Variants in RAB4A observed in about 807,000 individuals in gnomAD.
RAB4A encodes the protein ras-related protein Rab-4A.
In RAB4A, 20 loss-of-function variants were observed where a neutral mutation model predicts 34.5. That is an observed-to-expected ratio of 0.58 (90% CI 0.41 to 0.84). The LOEUF (loss-of-function observed/expected upper bound fraction) is 0.84. Ranked by LOEUF, RAB4A falls within the 40% of genes least tolerant of loss-of-function variation. The pLI, the probability that RAB4A is intolerant of heterozygous loss-of-function variation, is 0.00. For synonymous variants in RAB4A, 102 were observed against 100.0 expected (o/e 1.02, Z -0.12); for missense variants, 228 against 274.5 (o/e 0.83, Z 1.20).
chr1:229,303,067 A>C, intron 7 of RAB4A, 78 bp downstream of exon 7: 2 of 1,077,040 alleles, frequency 1.9e-6, no homozygotes, highest in Non-Finnish European at 2.8e-6. Context: ...GGGAAGCTGC[A>C]GTATGAAAAA....
chr1:229,284,376 G>A (rs1337477980), intron 1 of RAB4A, among the ~76,000 whole-genome samples: 1 of 152,138 alleles, frequency 6.6e-6, no homozygotes, highest in Non-Finnish European at 1.5e-5. Flanking sequence ...GGGATTTACA[G>A]GCATGAGCCA....
rs758886013 is a variant in RAB4A at position 229,302,941 on chromosome 1, C to T, written c.621C>T (p.Arg207=). The T allele has an allele frequency of 8.7e-6, 14 of 1,613,980 alleles. No individual in the cohort carries two copies. In the Admixed American group the frequency reaches 1.2e-4, roughly 13 times the overall value. The change falls in exon 7 of 8, where the codon CGC becomes CGT. Residue 207 remains arginine (R), a synonymous_variant. Transcript: ENST00000366690. ...TGAGACAGCTGAGGTCACCGCGGCG[C>T]GCACAGGCCCCGAACGCTCAGGAGT... ...AALRQLRSPR[R]AQAPNAQECG... is the part of the protein sequence containing the mutation.
At chr1:229,301,600 T>C (rs1228467887) in intron 6 of RAB4A, among the ~76,000 whole-genome samples, 2 of 152,180 alleles carry the variant, frequency 1.3e-5, no homozygotes, top group Non-Finnish European at 2.9e-5. Context: ...ACAACTCATA[T>C]GCAGTCTTCC....
intron 7 of RAB4A, among the ~76,000 whole-genome samples, chr1:229,303,430 C>T (rs1287330341): frequency 6.6e-6 from 1 of 151,694 alleles, no homozygotes; most frequent in Non-Finnish European, 1.5e-5. Flanking sequence ...AATTTATACT[C>T]TATAGGAAAT....
In RAB4A at chr1:229,305,269, T is replaced by C. The variant is rs1352305551; in HGVS notation, c.*1476T>C. The C allele has an allele frequency of 6.3e-7, 1 of 1,596,858 alleles. No homozygotes were observed. ...CTGAACTACTTCTTAGACCTCACTG[T>C]AAGAATATTTTATTCAATGTCTCAT... On this transcript the variant is annotated 3_prime_UTR_variant, in exon 8 of 8. Transcript: ENST00000366690.
At chr1:229,292,496 C>G (rs1376461123) in intron 3 of RAB4A, among the ~76,000 whole-genome samples, 1 of 152,100 alleles carries the variant, frequency 6.6e-6, no homozygotes, top group African/African-American at 2.4e-5. Context: ...GAGGCCTTTC[C>G]CCCTGCCTTA....
rs202214923 is a variant in RAB4A, at chr1:229,302,957, G to T, written c.637G>T (p.Ala213Ser). 2 of 1,613,774 alleles carry T rather than the reference G, an allele frequency of 1.2e-6. No individual in the cohort carries two copies. Among genetic ancestry groups the T allele is most frequent in the Non-Finnish European group, 1.7e-6 (2 of 1,179,814 alleles). Residue 213 changes from alanine to serine, a missense_variant, in exon 7 of 8, where the codon GCT (alanine) becomes TCT (serine). Physicochemically the swap from Ala to Ser is moderately conservative, Grantham distance 99 (BLOSUM62 1). Transcript: ENST00000366690. Reference sequence around the variant, plus strand: ...ACCGCGGCGCGCACAGGCCCCGAACGCTCAGGAGTGTGGTTGTTAGGAGAG... The same window carrying T: ...ACCGCGGCGCGCACAGGCCCCGAACTCTCAGGAGTGTGGTTGTTAGGAGAG... ...RSPRRAQAPN[A>S]QECGC is the part of the protein sequence containing the mutation.
intron 6 of RAB4A, 130 bp downstream of exon 6, chr1:229,299,202 T>C (rs1479534449): frequency 1.6e-6 from 1 of 640,208 alleles, no homozygotes; most frequent in East Asian, 2.9e-5. Context: ...CAACCTAAAA[T>C]CATCACATAT....
chr1:229,287,875 T>C (rs1232621479), intron 2 of RAB4A, among the ~76,000 whole-genome samples: 1 of 152,220 alleles, frequency 6.6e-6, no homozygotes, highest in African/African-American at 2.4e-5. Flanking sequence ...AGTTACAAAA[T>C]ATAAACTAGC....
rs61676633 is a variant in RAB4A, at chr1:229,278,150, C to T, written c.31+6780C>T. Among the ~76,000 whole-genome samples, 1,313 of 152,318 alleles carry T rather than the reference C, an allele frequency of 8.6e-3. 22 individuals carry two copies. Among genetic ancestry groups the T allele is most frequent in the African/African-American group, 0.029 (1,194 of 41,566 alleles). ...AAAATGCTGGGATTACAGGCATGAT[C>T]CACCATGCCTGGCCCCTTTCTTCTT... is the stretch of plus-strand genomic sequence containing the variant. On this transcript the variant is annotated intron_variant, in intron 1 of 7. Coordinates refer to ENST00000366690, the MANE Select transcript of RAB4A (RefSeq NM_004578.4).
intron 6 of RAB4A, among the ~76,000 whole-genome samples, chr1:229,299,751 C>T (rs1296162293): frequency 6.6e-6 from 1 of 152,124 alleles, no homozygotes; most frequent in Non-Finnish European, 1.5e-5. Flanking sequence ...ATAAATCACA[C>T]CCCTTGCCCC....
rs755723609 is a variant in RAB4A at position 229,297,535 on chromosome 1, C to T, written c.344C>T (p.Ala115Val). 3.7e-6 allele frequency: 6 copies of T among 1,612,074 alleles called. No homozygotes were observed. Among genetic ancestry groups the T allele is most frequent in the Admixed American group, 1.7e-5 (1 of 59,206 alleles). The change falls in exon 5 of 8, where the codon GCG becomes GTG. Residue 115 changes from alanine (A) to valine (V), a missense_variant. Ala to Val is a moderately conservative substitution (Grantham distance 64). Coordinates refer to ENST00000366690, the MANE Select transcript of RAB4A (RefSeq NM_004578.4). Reference protein sequence around the residue: ...TNWLTDARMLASQNIVIILCG... With the variant: ...TNWLTDARMLVSQNIVIILCG... ...TGGTTAACAGATGCCCGAATGCTAG[C>T]GAGCCAGAACATTGTGATCATCCTT...
At chr1:229,286,422 G>T in intron 1 of RAB4A, 64 bp from the exon 2 acceptor site, 3 of 970,156 alleles carry the variant, frequency 3.1e-6, no homozygotes, top group Non-Finnish European at 4.6e-6. Context: ...TGATGATCGT[G>T]ATCTAAGAAG....
intron 1 of RAB4A, among the ~76,000 whole-genome samples, chr1:229,285,307 G>T (rs768544084): frequency 1.3e-5 from 2 of 152,248 alleles, no homozygotes; most frequent in South Asian, 4.1e-4. Context: ...AACGCGCTCA[G>T]CCTGGAACTT....
At chr1:229,275,282 T>C (rs1307189635) in intron 1 of RAB4A, among the ~76,000 whole-genome samples, 1 of 152,044 alleles carries the variant, frequency 6.6e-6, no homozygotes, top group Non-Finnish European at 1.5e-5. Flanking sequence ...GAGGCCAAGA[T>C]TGGAGGGATG....
At chr1:229,286,416 G>A (rs1256278787) in intron 1 of RAB4A, 70 bp from the exon 2 acceptor site, 3 of 913,354 alleles carry the variant, frequency 3.3e-6, no homozygotes, top group Non-Finnish European at 5.0e-6. Context: ...TAAATTTGAT[G>A]ATCGTGATCT....
At chr1:229,285,475 C>T (rs1656899114) in intron 1 of RAB4A, among the ~76,000 whole-genome samples, 1 of 152,168 alleles carries the variant, frequency 6.6e-6, no homozygotes, top group African/African-American at 2.4e-5. Flanking sequence ...TAAAGGAACA[C>T]ACTCTTGGAG....
At chr1:229,301,973 T>C (rs1657395964) in intron 6 of RAB4A, among the ~76,000 whole-genome samples, 1 of 151,888 alleles carries the variant, frequency 6.6e-6, no homozygotes, top group Non-Finnish European at 1.5e-5. Flanking sequence ...CTGAAACTTT[T>C]TAATTGCCAA....
Position 229,281,826 on chromosome 1 carries a change from A to ATATATATC in RAB4A, c.32-4653_32-4652insCTATATAT, listed in dbSNP as rs1317201061. ...CATAACTTATCATAGTTATATATATATATATATATATATATATATATCATA... is the reference window on the plus strand; with the variant it reads ...CATAACTTATCATAGTTATATATATATATATATCTATATATATATATATATATATCATA... On this transcript the variant is annotated intron_variant, in intron 1 of 7. Coordinates refer to ENST00000366690, the MANE Select transcript of RAB4A (RefSeq NM_004578.4). Among the ~76,000 whole-genome samples the ATATATATC allele has an allele frequency of 1.7e-3, 158 of 90,620 alleles. 3 individuals carry two copies. Among genetic ancestry groups the ATATATATC allele is most frequent in the African/African-American group, 7.5e-3 (151 of 20,138 alleles). The allele number at this position is 90,620 out of a possible 152,430, so 59.5% of individuals were successfully genotyped here.
Sources: gnomAD v4.1 joint callset for allele counts (sites outside exome capture counted in the v4.1 genomes callset) on GRCh38, gnomAD v4.1.1 for gene constraint, MANE v1.5 for transcripts, NCBI Gene and HGNC (gene_info 2026-07-23, HGNC 2026-07-21) for gene names.